Variants in LANCL3 observed in about 807,000 individuals in gnomAD.
LANCL3 encodes the protein LanC like family member 3.
In LANCL3, 19 loss-of-function variants were observed where a neutral mutation model predicts 26.5. The observed-to-expected ratio is 0.72, with a 90% CI of 0.50 to 1.05. The LOEUF is 1.05. LANCL3 is among the 50% of genes least tolerant of loss of function. The probability of loss-of-function intolerance (pLI) is 0.00; values close to 1 mark genes in which losing one functional copy is unlikely to be tolerated. For missense variants in LANCL3, 318 were observed against 362.7 expected, an observed-to-expected ratio of 0.88 and a Z score of 1.00; for synonymous variants, 160 against 166.6, an observed-to-expected ratio of 0.96 and a Z score of 0.30.
intron 1 of LANCL3, among the ~76,000 whole-genome samples, chrX:37,651,299 C>T (rs1268732914): frequency 2.7e-5 from 3 of 111,331 alleles, no homozygotes; most frequent in African/African-American, 9.8e-5. Flanking sequence ...TTTAAGGAAT[C>T]GCCACACTGT....
chrX:37,586,300 T>C (rs1556418006), intron 1 of LANCL3, among the ~76,000 whole-genome samples: 1 of 111,196 alleles, frequency 9.0e-6, no homozygotes, highest in African/African-American at 3.3e-5. Context: ...TTGAGGAGTA[T>C]CTTTGTGACG....
intron 4 of LANCL3, among the ~76,000 whole-genome samples, chrX:37,674,342 T>C (rs1926747538): frequency 8.9e-6 from 1 of 112,230 alleles, no homozygotes; most frequent in African/African-American, 3.2e-5. Context: ...TTTTACAATA[T>C]GCAGAAATGC....
rs1241350780 is a variant in LANCL3 at position 37,611,622 on chromosome X, G to C, written c.573+39179G>C. 2.7e-5 allele frequency among the ~76,000 whole-genome samples: 3 copies of C among 111,965 alleles called. No individual in the cohort carries two copies. In the Admixed American group the frequency reaches 2.8e-4, roughly 11 times the overall value. ...ACTGATATAGACCAGTGTTTTTAAA[G>C]TGAAGCTCCCAGGCCGCCAGCATAA... On this transcript the variant is annotated intron_variant, in intron 1 of 4. Coordinates refer to ENST00000378619, the MANE Select transcript of LANCL3 (RefSeq NM_001170331.2).
intron 1 of LANCL3, among the ~76,000 whole-genome samples, chrX:37,613,924 G>T (rs1167429821): frequency 9.0e-6 from 1 of 111,725 alleles, no homozygotes; most frequent in African/African-American, 3.3e-5. Context: ...TACATTTCTC[G>T]AACTGTCCCC....
At chrX:37,667,176 T>A (rs1355535468) in intron 3 of LANCL3, 106 bp from the exon 4 acceptor site, 1 of 394,273 alleles carries the variant, frequency 2.5e-6, no homozygotes, top group Non-Finnish European at 4.1e-6. Context: ...AGAATCTGTG[T>A]TTTACCAGTA....
intron 1 of LANCL3, among the ~76,000 whole-genome samples, chrX:37,573,999 G>A (rs59762595): frequency 0.017 from 1,604 of 94,385 alleles, 36 homozygotes; most frequent in African/African-American, 0.062. Flanking sequence ...TTTACTAATC[G>A]AGTTGAGGTG....
chrX:37,582,848 T>C (rs1923939455), intron 1 of LANCL3, among the ~76,000 whole-genome samples: 1 of 112,155 alleles, frequency 8.9e-6, no homozygotes, highest in Non-Finnish European at 1.9e-5. Flanking sequence ...ATTTTGACTT[T>C]TGTTGCCATT....
intron 1 of LANCL3, among the ~76,000 whole-genome samples, chrX:37,592,832 G>A (rs1290056986): frequency 6.3e-5 from 7 of 111,369 alleles, no homozygotes; most frequent in African/African-American, 2.0e-4. Context: ...TTTTATAAGT[G>A]AAATACATGA....
intron 1 of LANCL3, among the ~76,000 whole-genome samples, chrX:37,584,496 G>T (rs1335887212): frequency 9.0e-6 from 1 of 110,623 alleles, no homozygotes; most frequent in East Asian, 2.8e-4. Flanking sequence ...CAATTTCAGA[G>T]CCTGTTATTG....
In LANCL3 at chrX:37,592,322, C is replaced by T. The variant is rs138404966; in HGVS notation, c.573+19879C>T. Among the ~76,000 whole-genome samples, 175 of 112,536 alleles carry T rather than the reference C, an allele frequency of 1.6e-3. 1 individual carries two copies. The highest frequency in any genetic ancestry group is 5.5e-3 in the African/African-American group (171 of 31,020). Reference sequence around the variant, plus strand: ...TGCTAAAGCCCGCCAACTGGCTAGCCCTTTCCCATACCCAGAATTGCCAGT... The same window carrying T: ...TGCTAAAGCCCGCCAACTGGCTAGCTCTTTCCCATACCCAGAATTGCCAGT... On this transcript the variant is annotated intron_variant, in intron 1 of 4. Coordinates refer to ENST00000378619, the MANE Select transcript of LANCL3 (RefSeq NM_001170331.2).
chrX:37,598,011 A>G (rs193191364), intron 1 of LANCL3, among the ~76,000 whole-genome samples: 3 of 110,303 alleles, frequency 2.7e-5, no homozygotes, highest in South Asian at 3.9e-4. Context: ...TAATTGAGCT[A>G]TTATTATTTT....
chrX:37,609,893 G>A (rs1169206696), intron 1 of LANCL3, among the ~76,000 whole-genome samples: 3 of 111,491 alleles, frequency 2.7e-5, no homozygotes, highest in African/African-American at 9.9e-5. Context: ...AATATACTGT[G>A]ACTTTAAAAA....
chrX:37,634,024 C>T (rs782315384), intron 1 of LANCL3, among the ~76,000 whole-genome samples: 4 of 112,671 alleles, frequency 3.6e-5, no homozygotes, highest in African/African-American at 1.3e-4. Flanking sequence ...TGTCTGTACC[C>T]TGCCCCCAGA....
At chrX:37,580,266 C>T (rs1421326973) in intron 1 of LANCL3, among the ~76,000 whole-genome samples, 7 of 111,507 alleles carry the variant, frequency 6.3e-5, no homozygotes, top group Admixed American at 2.9e-4. Context: ...TTATGCATGA[C>T]CCAGAACCCA....
Position 37,679,049 on chromosome X carries a change from A to G in LANCL3, c.*3236A>G, listed in dbSNP as rs1556438174. 8.9e-6 allele frequency: 1 copy of G among 111,807 alleles called. No homozygotes were observed. Among genetic ancestry groups the G allele is most frequent in the East Asian group, 2.8e-4 (1 of 3,591 alleles). The allele number at this position is 111,807 out of a possible 1,213,427, so 9.2% of individuals were successfully genotyped here. ...TGGTGCAAAGAGCCCTGTGCTGGAA[A>G]TCTCAAAGTCTTGCTCTGCCACTTT... On this transcript the variant is annotated 3_prime_UTR_variant, in exon 5 of 5. Coordinates refer to ENST00000378619, the MANE Select transcript of LANCL3 (RefSeq NM_001170331.2).
chrX:37,682,490 A>G lies in LANCL3; in HGVS notation c.*6677A>G, dbSNP rs956957742. 7 of 112,128 alleles carry G rather than the reference A, an allele frequency of 6.2e-5. No individual in the cohort carries two copies. The highest frequency in any genetic ancestry group is 1.9e-4 in the African/African-American group (6 of 30,819). 9.2% of individuals were successfully genotyped at this position (112,128 alleles called of 1,213,427 possible). A position where few individuals can be genotyped will look rare whatever the true frequency, so the allele number is the denominator to read the frequency against. On this transcript the variant is annotated 3_prime_UTR_variant, in exon 5 of 5. Coordinates refer to ENST00000378619, the MANE Select transcript of LANCL3 (RefSeq NM_001170331.2). Reference sequence around the variant, plus strand: ...TACAGACTATAATTGACTACTGTCAATCTTTAACAAGTGATCTTTTTGCAA... The same window carrying G: ...TACAGACTATAATTGACTACTGTCAGTCTTTAACAAGTGATCTTTTTGCAA...
chrX:37,593,709 T>C (rs1156557292), intron 1 of LANCL3, among the ~76,000 whole-genome samples: 2 of 111,903 alleles, frequency 1.8e-5, no homozygotes, highest in East Asian at 5.6e-4. Context: ...ACCTGTGCTT[T>C]TTGGCCATTA....
Position 37,572,141 on chromosome X carries a change from C to A in LANCL3, c.271C>A (p.Arg91Ser), listed in dbSNP as rs782101860. The A allele has an allele frequency of 1.7e-6, 2 of 1,194,426 alleles. No individual in the cohort carries two copies. Among genetic ancestry groups the A allele is most frequent in the Non-Finnish European group, 2.2e-6 (2 of 892,244 alleles). Residue 91 changes from arginine (R) to serine (S), a missense_variant, in exon 1 of 5, where the codon CGC becomes AGC. Physicochemically the swap from Arg to Ser is moderately radical, Grantham distance 110 (BLOSUM62 -1). Transcript: ENST00000378619. ...CCCGCTTTTCGCCACGGCCCGGGAA[C>A]GCTACCTGCGCTCGGCTAAGCGCCT... ...QSPLFATARE[R>S]YLRSAKRLID...
intron 1 of LANCL3, among the ~76,000 whole-genome samples, chrX:37,606,129 C>T: frequency 9.0e-6 from 1 of 111,666 alleles, no homozygotes; most frequent in Non-Finnish European, 1.9e-5. Flanking sequence ...AGGGTCCTCT[C>T]CCAGTGGACT....
Sources: allele counts gnomAD v4.1 joint callset (sites outside exome capture counted in the v4.1 genomes callset), GRCh38; gene constraint gnomAD v4.1.1; transcripts MANE v1.5; gene names NCBI Gene and HGNC (gene_info 2026-07-23, HGNC 2026-07-21).